The following TRMT112 variants were observed in gnomAD, a reference collection of about 807,000 sequenced individuals.
TRMT112 encodes tRNA methyltransferase activator subunit 11-2.
A neutral mutation model predicts 13.8 loss-of-function variants in TRMT112; 9 were observed. That is an observed-to-expected ratio of 0.65 (90% CI 0.39 to 1.14). The LOEUF is 1.14. Among genes scored for constraint, TRMT112 ranks in the 50% most tolerant of loss-of-function variants. The probability of loss-of-function intolerance (pLI) is 0.01; values close to 1 mark genes in which losing one functional copy is unlikely to be tolerated. For synonymous variants in TRMT112, 64 were observed against 67.0 expected, an observed-to-expected ratio of 0.96 and a Z score of 0.22; for missense variants, 196 against 165.5, an observed-to-expected ratio of 1.18 and a Z score of -1.01.
At chr11:64,318,134 T>G, upstream of TRMT112, 2 of 1,569,198 alleles carry the variant, frequency 1.3e-6, no homozygotes. Flanking sequence ...CCGCAGGGTG[T>G]CGCCGCTGTG....
rs570596497 is a variant in TRMT112 at position 64,317,378 on chromosome 11, G to C, written c.79-13C>G. The stretch of plus-strand genomic sequence containing the variant: ...GGACCTCGGTGGCCTGCAGGGCGGA[G>C]GAGTTTAGGCAAGCACTGGACCCCG... On this transcript the variant is annotated splice_polypyrimidine_tract_variant and intron_variant, in intron 1 of 3. Transcript: ENST00000544844. 6.2e-7 allele frequency: 1 copy of C among 1,614,136 alleles called. No homozygotes were observed. Among genetic ancestry groups the C allele is most frequent in the South Asian group, 1.1e-5 (1 of 91,080 alleles).
Position 64,316,755 on chromosome 11 carries a change from G to A in TRMT112, c.*106C>T, listed in dbSNP as rs1218942361. ...ACCGAGCTCAAAAACACTGTGTTTG[G>A]TGTCATTGGGTCAAGGGTTGGGGAT... On this transcript the variant is annotated 3_prime_UTR_variant, in exon 4 of 4. Coordinates refer to ENST00000544844, the MANE Select transcript of TRMT112 (RefSeq NM_016404.3). The A allele has an allele frequency of 1.1e-5, 8 of 753,772 alleles. No homozygotes were observed. The highest frequency in any genetic ancestry group is 3.5e-5 in the African/African-American group (2 of 57,264). 46.7% of individuals were successfully genotyped at this position (753,772 alleles called of 1,614,324 possible).
At chr11:64,317,802 A>C, upstream of TRMT112, 1 of 789,344 alleles carries the variant, frequency 1.3e-6, no homozygotes, top group African/African-American at 1.8e-5. Context: ...ATCATATGCA[A>C]AATAGCTGCA....
At chr11:64,318,085 G>C, upstream of TRMT112, 1 of 1,455,214 alleles carries the variant, frequency 6.9e-7, no homozygotes, top group Non-Finnish European at 9.0e-7. Context: ...GCGGGTGGCC[G>C]CTCGCGCCTG....
At chr11:64,317,228 C>G in intron 2 of TRMT112, 36 bp downstream of exon 2, 1 of 1,607,558 alleles carries the variant, frequency 6.2e-7, no homozygotes, top group Middle Eastern at 1.7e-4. Flanking sequence ...GCCCCGCATT[C>G]CCCGGGATAT....
At chr11:64,318,519 A>AGAAGGCCCTCGTG (rs1243517088), upstream of TRMT112, 2 of 1,212,820 alleles carry the variant, frequency 1.6e-6, no homozygotes, top group African/African-American at 3.1e-5. Flanking sequence ...TCATCCCTTC[A>AGAAGGCCCTCGTG]GAAGGCCCTC....
rs41294426 is a variant in TRMT112, at chr11:64,317,256, A to G, written c.180+8T>C. The G allele has an allele frequency of 1.2e-6, 2 of 1,610,274 alleles. No homozygotes were observed. Among genetic ancestry groups the G allele is most frequent in the Non-Finnish European group, 1.7e-6 (2 of 1,176,810 alleles). The stretch of plus-strand genomic sequence containing the variant: ...CGGGATATGCTGGGGCGGGGTAAGG[A>G]TCCTCACGTTATCGGCCGCCTCCAG... On this transcript the variant is annotated splice_region_variant and intron_variant, in intron 2 of 3. Coordinates refer to ENST00000544844, the MANE Select transcript of TRMT112 (RefSeq NM_016404.3).
Position 64,317,538 on chromosome 11 carries a change from A to C in TRMT112, c.-12T>G. On this transcript the variant is annotated 5_prime_UTR_variant, in exon 1 of 4. Transcript: ENST00000544844. ...GTAAGCAGTTTCATGTCGCCGCACA[A>C]ACTCTCGCCAGGCCGGAACCGGAAA... 1 of 1,545,754 alleles carries C rather than the reference A, an allele frequency of 6.5e-7. No individual in the cohort carries two copies. The highest frequency in any genetic ancestry group is 8.8e-7 in the Non-Finnish European group (1 of 1,138,910).
At chr11:64,318,097 G>T (rs1042245068), upstream of TRMT112, 49 of 1,483,646 alleles carry the variant, frequency 3.3e-5, no homozygotes, top group Non-Finnish European at 4.2e-5. Context: ...TCGCGCCTGC[G>T]CAGTGGAGGC....
chr11:64,318,348 A>G (rs1305686352), upstream of TRMT112: 1 of 1,611,828 alleles, frequency 6.2e-7, no homozygotes, highest in Admixed American at 1.7e-5. Flanking sequence ...CGGGGTCCGC[A>G]GTTTCAGCAG....
chr11:64,318,012 G>A (rs2035353246), upstream of TRMT112: 2 of 1,412,830 alleles, frequency 1.4e-6, no homozygotes, highest in Non-Finnish European at 1.8e-6. Flanking sequence ...CGCCCCATTT[G>A]TAGTTGCGTC....
chr11:64,317,068 AGGTGGTGCAT>A lies in TRMT112; in HGVS notation c.250_259del (p.Met84CysfsTer7). ...TGGGCCGCTTCTCACCTCCAGCAGC[AGGTGGTGCAT>A]GGTCCTCAGAAACTCCTCATTCTCC... On this transcript the variant is annotated frameshift_variant, in exon 3 of 4. Transcript: ENST00000544844. LOFTEE classifies it high-confidence loss of function. The A allele has an allele frequency of 1.9e-6, 3 of 1,614,198 alleles. No homozygotes were observed. The highest frequency in any genetic ancestry group is 2.5e-6 in the Non-Finnish European group (3 of 1,180,024).
upstream of TRMT112, chr11:64,318,228 G>A (rs1362581124): frequency 6.2e-7 from 1 of 1,611,818 alleles, no homozygotes; most frequent in Non-Finnish European, 8.5e-7. Flanking sequence ...GGGACTAGCT[G>A]GCGTGTGCGC....
upstream of TRMT112, chr11:64,317,810 G>A (rs1309408184): frequency 2.5e-6 from 2 of 793,716 alleles, no homozygotes; most frequent in Middle Eastern, 3.9e-4. Flanking sequence ...CAAAATAGCT[G>A]CAATGCAGGA....
chr11:64,317,658 T>C, upstream of TRMT112: 1 of 1,052,554 alleles, frequency 9.5e-7, no homozygotes, highest in South Asian at 1.7e-5. Flanking sequence ...CTGGAACTTC[T>C]CGTGTTTGTG....
At position 64,317,337 on chromosome 11, in the gene TRMT112, T is replaced by G. The variant is rs146953593; in HGVS notation, c.107A>C (p.Glu36Ala). ...ACGCGCCACGAAGTTGGGGTTGAAT[T>G]CCACAGGGCAGATACGGACCTCGGT... The part of the protein sequence containing the change: ...QATEVRICPV[E>A]FNPNFVARMI... The change falls in exon 2 of 4, where the codon GAA (glutamate) becomes GCA (alanine). Residue 36 changes from glutamate (E) to alanine (A), a missense_variant. By Grantham distance (107) the Glu-to-Ala change is moderately radical (BLOSUM62 -1). Transcript: ENST00000544844. 6.2e-7 allele frequency: 1 copy of G among 1,613,936 alleles called. No homozygotes were observed. Among genetic ancestry groups the G allele is most frequent in the Non-Finnish European group, 8.5e-7 (1 of 1,179,994 alleles).
chr11:64,317,662 G>C, upstream of TRMT112: 1 of 1,008,830 alleles, frequency 9.9e-7, no homozygotes, highest in African/African-American at 1.6e-5. Flanking sequence ...AACTTCTCGT[G>C]TTTGTGGGAG....
upstream of TRMT112, chr11:64,318,085 G>A: frequency 6.9e-7 from 1 of 1,455,214 alleles, no homozygotes; most frequent in East Asian, 2.5e-5. Context: ...GCGGGTGGCC[G>A]CTCGCGCCTG....
chr11:64,317,794 C>A, upstream of TRMT112: 3 of 781,768 alleles, frequency 3.8e-6, no homozygotes, highest in Non-Finnish European at 3.8e-6. Flanking sequence ...AGATGCAAAT[C>A]ATATGCAAAA....
Sources: allele counts gnomAD v4.1 joint callset, GRCh38; gene constraint gnomAD v4.1.1; transcripts MANE v1.5; gene names NCBI Gene and HGNC (gene_info 2026-07-23, HGNC 2026-07-21).